The following MECOM variants were observed in gnomAD, a reference collection of about 807,000 sequenced individuals.
MECOM encodes the protein MDS1 and EVI1 complex locus, also known as histone-lysine N-methyltransferase MECOM.
Under a neutral mutation model 116.3 loss-of-function variants are expected in MECOM, and 13 were observed. The observed-to-expected ratio is 0.11, with a 90% CI of 0.07 to 0.18. MECOM has a LOEUF of 0.18. Among genes scored for constraint, MECOM ranks in the 10% least tolerant of loss-of-function variants. The pLI, the probability that MECOM is intolerant of heterozygous loss-of-function variation, is 1.00. For synonymous variants in MECOM, 528 were observed against 535.2 expected, an observed-to-expected ratio of 0.99 and a Z score of 0.19; for missense variants, 1,299 against 1,509.0, an observed-to-expected ratio of 0.86 and a Z score of 2.31.
intron 2 of MECOM, among the ~76,000 whole-genome samples, chr3:169,339,831 C>G (rs1428365280): frequency 5.9e-5 from 9 of 152,084 alleles, no homozygotes; most frequent in Non-Finnish European, 1.2e-4. Flanking sequence ...GGGTGTTTGT[C>G]TTTATCACAT....
intron 2 of MECOM, among the ~76,000 whole-genome samples, chr3:169,354,214 C>T (rs370790421): frequency 6.6e-6 from 1 of 151,816 alleles, no homozygotes; most frequent in East Asian, 2.0e-4. Flanking sequence ...CACCAAAAAT[C>T]TCAAACCCCA....
At chr3:169,412,039 A>G (rs1037405144) in intron 1 of MECOM, among the ~76,000 whole-genome samples, 2 of 152,032 alleles carry the variant, frequency 1.3e-5, no homozygotes, top group Admixed American at 6.5e-5. Context: ...TAATCCCAGC[A>G]CTTTGGGAGG....
chr3:169,468,849 G>A (rs1043702963), intron 1 of MECOM, among the ~76,000 whole-genome samples: 2 of 152,036 alleles, frequency 1.3e-5, no homozygotes, highest in African/African-American at 4.8e-5. Flanking sequence ...AACTCGCCTG[G>A]GAACAGACTC....
intron 2 of MECOM, among the ~76,000 whole-genome samples, chr3:169,303,261 T>C (rs1054555524): frequency 6.6e-6 from 1 of 152,198 alleles, no homozygotes; most frequent in Non-Finnish European, 1.5e-5. Flanking sequence ...CATTCTTTCC[T>C]CTCCATGTAA....
chr3:169,659,373 G>T (rs936016793), intron 1 of MECOM, among the ~76,000 whole-genome samples: 2 of 144,198 alleles, frequency 1.4e-5, no homozygotes, highest in Admixed American at 1.4e-4. Flanking sequence ...CTAATGAACC[G>T]TTCCCTTCCA....
In MECOM at chr3:169,084,682, C is replaced by T. The variant is rs985613997; in HGVS notation, c.*227G>A. 3.6e-5 allele frequency: 17 copies of T among 469,806 alleles called. No individual in the cohort carries two copies. The highest frequency in any genetic ancestry group is 7.5e-5 in the Admixed American group (2 of 26,526). The allele number at this position is 469,806 out of a possible 1,614,324, so 29.1% of individuals were successfully genotyped here. A position where few individuals can be genotyped will look rare whatever the true frequency, so the allele number is the denominator to read the frequency against. On this transcript the variant is annotated 3_prime_UTR_variant, in exon 17 of 17. Coordinates refer to ENST00000651503, the MANE Select transcript of MECOM (RefSeq NM_004991.4). Reference sequence around the variant, plus strand: ...ACTTTAAGTCGCATTGATTGATCTTCCAGAAGTCAGCAGCTGCCTTTGCTG... The same window carrying T: ...ACTTTAAGTCGCATTGATTGATCTTTCAGAAGTCAGCAGCTGCCTTTGCTG...
At chr3:169,248,376 C>T (rs1755844984) in intron 2 of MECOM, among the ~76,000 whole-genome samples, 1 of 152,180 alleles carries the variant, frequency 6.6e-6, no homozygotes, top group African/African-American at 2.4e-5. Flanking sequence ...ATAGTAGATG[C>T]TTAATCATCA....
chr3:169,521,280 C>A (rs191701606), intron 1 of MECOM, among the ~76,000 whole-genome samples: 1 of 152,284 alleles, frequency 6.6e-6, no homozygotes, highest in East Asian at 1.9e-4. Flanking sequence ...TGAGACCCTG[C>A]ACTTTGAGCT....
At chr3:169,573,876 T>C (rs1291478130) in intron 1 of MECOM, among the ~76,000 whole-genome samples, 1 of 152,186 alleles carries the variant, frequency 6.6e-6, no homozygotes, top group Admixed American at 6.5e-5. Flanking sequence ...GGAAATGAAA[T>C]AAAATGCTGC....
chr3:169,347,799 G>GA (rs1296423190), intron 2 of MECOM, among the ~76,000 whole-genome samples: 3 of 152,008 alleles, frequency 2.0e-5, no homozygotes, highest in African/African-American at 7.2e-5. Context: ...AGAGCTCAGG[G>GA]AATGGATTTG....
At chr3:169,374,036 T>C (rs1464757149) in intron 2 of MECOM, among the ~76,000 whole-genome samples, 1 of 151,864 alleles carries the variant, frequency 6.6e-6, no homozygotes, top group Non-Finnish European at 1.5e-5. Context: ...CATTAGGATG[T>C]AATTAAGGTT....
intron 1 of MECOM, among the ~76,000 whole-genome samples, chr3:169,572,566 T>C (rs1032451168): frequency 1.4e-3 from 217 of 152,218 alleles, no homozygotes; most frequent in African/African-American, 5.1e-3. Context: ...GCACTATTCA[T>C]AATAGCAAAG....
At chr3:169,639,126 A>G (rs1210624035) in intron 1 of MECOM, among the ~76,000 whole-genome samples, 1 of 152,174 alleles carries the variant, frequency 6.6e-6, no homozygotes, top group Non-Finnish European at 1.5e-5. Context: ...TAACTAAAAA[A>G]TAAATGTTTA....
At chr3:169,226,415 T>G (rs1752736129) in intron 2 of MECOM, among the ~76,000 whole-genome samples, 1 of 152,234 alleles carries the variant, frequency 6.6e-6, no homozygotes, top group Non-Finnish European at 1.5e-5. Flanking sequence ...TTTTATCTAT[T>G]TAAACTTTGT....
chr3:169,661,372 A>G (rs1057221180), intron 1 of MECOM, among the ~76,000 whole-genome samples: 1 of 148,710 alleles, frequency 6.7e-6, no homozygotes, highest in Non-Finnish European at 1.5e-5. Flanking sequence ...CGCAAACCTC[A>G]AGTATATGTA....
intron 2 of MECOM, among the ~76,000 whole-genome samples, chr3:169,351,168 CT>C (rs1336141411): frequency 6.6e-6 from 1 of 151,666 alleles, no homozygotes; most frequent in Non-Finnish European, 1.5e-5. Flanking sequence ...TATAAATTAT[CT>C]TTTGTTTCTT....
chr3:169,123,942 A>G (rs1425067908), intron 5 of MECOM, among the ~76,000 whole-genome samples: 1 of 152,094 alleles, frequency 6.6e-6, no homozygotes, highest in Non-Finnish European at 1.5e-5. Flanking sequence ...ACTGGTAAAT[A>G]AAGGGAAAAT....
intron 1 of MECOM, among the ~76,000 whole-genome samples, chr3:169,394,783 A>G (rs1734764052): frequency 6.6e-6 from 1 of 152,184 alleles, no homozygotes; most frequent in Admixed American, 6.5e-5. Context: ...AAAACAAGTC[A>G]CCTGGAAAAA....
Position 169,589,393 on chromosome 3 carries a change from C to T in MECOM, c.37+73943G>A, listed in dbSNP as rs528489531. On this transcript the variant is annotated intron_variant, in intron 1 of 16. Transcript: ENST00000651503. ...TCATAGATTGACAATAGGCCAAATT[C>T]GGCCATCCCATATCCCTACGCCTCT... 4.7e-4 allele frequency among the ~76,000 whole-genome samples: 71 copies of T among 152,178 alleles called. 1 individual carries two copies. The South Asian group carries it at 0.014, about 30-fold the overall frequency.
Sources: gnomAD v4.1 joint callset for allele counts (sites outside exome capture counted in the v4.1 genomes callset) on GRCh38, gnomAD v4.1.1 for gene constraint, MANE v1.5 for transcripts, NCBI Gene and HGNC (gene_info 2026-07-23, HGNC 2026-07-21) for gene names.